Variants in VWA5A observed in about 807,000 individuals in gnomAD.
VWA5A encodes the protein von Willebrand factor A domain-containing protein 5A.
In VWA5A, 77 loss-of-function variants were observed where a neutral mutation model predicts 84.6. That is an observed-to-expected ratio of 0.91 (90% CI 0.76 to 1.10). VWA5A has a LOEUF of 1.10. Ranked by LOEUF, VWA5A falls within the 50% of genes least tolerant of loss-of-function variation. The probability of loss-of-function intolerance (pLI) is 0.00; values close to 1 mark genes in which losing one functional copy is unlikely to be tolerated. For missense variants in VWA5A, 973 were observed against 963.0 expected (o/e 1.01, Z -0.14); for synonymous variants, 334 against 350.1 (o/e 0.95, Z 0.51).
rs1860627385 is a variant in VWA5A, at chr11:124,137,268, G to A, written c.1879G>A (p.Gly627Ser). The change falls in exon 15 of 19, where the codon GGT (glycine) becomes AGT (serine). Residue 627 changes from glycine (G) to serine (S), a missense_variant and splice_region_variant. Gly to Ser is a moderately conservative substitution (Grantham distance 56, BLOSUM62 0). Coordinates refer to ENST00000456829, the MANE Select transcript of VWA5A (RefSeq NM_001130142.2). ...SAPLKIKCQSGFRKALHSDRP... is the reference protein window; with the variant it reads ...SAPLKIKCQSSFRKALHSDRP... ...CCCATTGAAGATAAAATGCCAATCA[G>A]GTAATGAGTTTTATTCCATTCAAAC... 6.2e-7 allele frequency: 1 copy of A among 1,613,638 alleles called. No homozygotes were observed. The highest frequency in any genetic ancestry group is 8.5e-7 in the Non-Finnish European group (1 of 1,179,828).
At position 124,141,769 on chromosome 11, in the gene VWA5A, C is replaced by A. The variant is rs1860732339; in HGVS notation, c.2023+28C>A. On this transcript the variant is annotated intron_variant, in intron 16 of 18. Coordinates refer to ENST00000456829, the MANE Select transcript of VWA5A (RefSeq NM_001130142.2). ...GAGTACCTTTATAGGAACATTTTCT[C>A]AACAATGTTTTTCTGTCACATATAC... The A allele has an allele frequency of 2.5e-6, 4 of 1,608,892 alleles. No individual in the cohort carries two copies. The Admixed American group carries it at 6.7e-5, about 27-fold the overall frequency.
At chr11:124,123,892 A>G (rs1565616229) in intron 10 of VWA5A, 88 bp downstream of exon 10, 1 of 1,469,172 alleles carries the variant, frequency 6.8e-7, no homozygotes. Flanking sequence ...AGTATGTTGA[A>G]ATATAGTTTG....
chr11:124,127,717 G>A (rs1360608746), intron 11 of VWA5A, among the ~76,000 whole-genome samples: 7 of 152,114 alleles, frequency 4.6e-5, no homozygotes, highest in South Asian at 2.1e-4. Context: ...TTTAACTGGC[G>A]TGAGATGGTA....
rs372147587 is a variant in VWA5A, at chr11:124,116,563, C to T, written c.-130-3C>T. 4 of 152,362 alleles carry T rather than the reference C, an allele frequency of 2.6e-5. No homozygotes were observed. The highest frequency in any genetic ancestry group is 1.5e-5 in the Non-Finnish European group (1 of 68,186). The allele number at this position is 152,362 out of a possible 1,614,324, so 9.4% of individuals were successfully genotyped here. On this transcript the variant is annotated splice_polypyrimidine_tract_variant and splice_region_variant and intron_variant, in intron 1 of 18. Transcript: ENST00000456829. ...TGTTATTAGAAATTCTTCCCTCCCC[C>T]AGCCCAGCCTGTTCTACCAGAGAAC...
chr11:124,117,962 A>T, intron 4 of VWA5A, 87 bp downstream of exon 4: 1 of 1,480,402 alleles, frequency 6.8e-7, no homozygotes. Context: ...TCTCTACTAA[A>T]TGTACCTTCA....
intron 11 of VWA5A, among the ~76,000 whole-genome samples, chr11:124,132,623 T>C (rs931294078): frequency 6.6e-6 from 1 of 152,150 alleles, no homozygotes; most frequent in African/African-American, 2.4e-5. Flanking sequence ...TGTTGGTTAT[T>C]TGTGCCTTTT....
chr11:124,143,320 G>A (rs944368016), intron 17 of VWA5A, among the ~76,000 whole-genome samples: 1 of 152,206 alleles, frequency 6.6e-6, no homozygotes, highest in Non-Finnish European at 1.5e-5. Flanking sequence ...TGAGACAGGT[G>A]CAAAAAGCCT....
intron 11 of VWA5A, 75 bp from the exon 12 acceptor site, chr11:124,134,845 T>C (rs1865149210): frequency 9.5e-7 from 1 of 1,054,362 alleles, no homozygotes; most frequent in Non-Finnish European, 1.4e-6. Context: ...TTATGTATTT[T>C]TGGCCATTAT....
At chr11:124,142,797 G>A (rs1860755881) in intron 17 of VWA5A, among the ~76,000 whole-genome samples, 1 of 152,102 alleles carries the variant, frequency 6.6e-6, no homozygotes, top group Admixed American at 6.5e-5. Context: ...TTTTGCTGGT[G>A]GATGACAAAG....
chr11:124,140,764 T>C (rs2137663960), intron 15 of VWA5A, among the ~76,000 whole-genome samples: 1 of 152,242 alleles, frequency 6.6e-6, no homozygotes, highest in East Asian at 1.9e-4. Flanking sequence ...TTTTTAAAAC[T>C]TTTTATAAAG....
chr11:124,131,622 A>G (rs1249610926), intron 11 of VWA5A, among the ~76,000 whole-genome samples: 1 of 152,012 alleles, frequency 6.6e-6, no homozygotes, highest in East Asian at 1.9e-4. Context: ...ATTTCCATAT[A>G]GAAATGAATT....
At position 124,120,457 on chromosome 11, in the gene VWA5A, T is replaced by G. The variant is rs141576614; in HGVS notation, c.760+1368T>G. ...GCTTAGGCTCTTGTTTTTACAATTA[T>G]AGCTGTTGTCAAGAAAATTCCCTGT... On this transcript the variant is annotated intron_variant, in intron 7 of 18. Coordinates refer to ENST00000456829, the MANE Select transcript of VWA5A (RefSeq NM_001130142.2). Among the ~76,000 whole-genome samples the G allele has an allele frequency of 8.5e-5, 13 of 152,344 alleles. No individual in the cohort carries two copies. In the East Asian group the frequency reaches 2.3e-3, roughly 27 times the overall value.
chr11:124,140,076 C>T lies in VWA5A; in HGVS notation c.1880-1522C>T, dbSNP rs74592462. 8.7e-4 allele frequency among the ~76,000 whole-genome samples: 132 copies of T among 152,106 alleles called. 1 individual carries two copies. The East Asian group carries it at 0.021, about 24-fold the overall frequency. On this transcript the variant is annotated intron_variant, in intron 15 of 18. Coordinates refer to ENST00000456829, the MANE Select transcript of VWA5A (RefSeq NM_001130142.2). The stretch of plus-strand genomic sequence containing the variant: ...ATGTTTTTGTCCTTTTTTATGTTAG[C>T]GTGATCCATGTTTATCAATTTATGT...
chr11:124,124,622 C>T, intron 11 of VWA5A: 1 of 1,025,546 alleles, frequency 9.8e-7, no homozygotes, highest in Non-Finnish European at 1.2e-6. Flanking sequence ...CTGAAAACTA[C>T]ACAAATTATA....
At chr11:124,131,037 A>G (rs891215689) in intron 11 of VWA5A, among the ~76,000 whole-genome samples, 17 of 152,020 alleles carry the variant, frequency 1.1e-4, no homozygotes, top group Admixed American at 2.6e-4. Context: ...CAGCAAAATC[A>G]GTAAACATAC....
chr11:124,145,153 A>G (rs1385310417), intron 17 of VWA5A, 84 bp from the exon 18 acceptor site: 1 of 1,498,546 alleles, frequency 6.7e-7, no homozygotes, highest in East Asian at 2.3e-5. Context: ...ATTTAGAAGG[A>G]TGCTAAGTGA....
Position 124,145,255 on chromosome 11 carries a change from T to C in VWA5A, c.2173T>C (p.Trp725Arg). ...TGTGCAGCTTGTGGATTCCTCAGGC[T>C]GGGCCACCATCCTGGCCGTGATCTG... Reference protein sequence around the residue: ...QPAELVDSSGWATILAVIWLH... With the variant: ...QPAELVDSSGRATILAVIWLH... The change falls in exon 18 of 19, where the codon TGG becomes CGG. Residue 725 changes from tryptophan (W) to arginine (R), a missense_variant. Physicochemically the swap from Trp to Arg is moderately radical, Grantham distance 101. Transcript: ENST00000456829. The C allele has an allele frequency of 6.2e-7, 1 of 1,613,628 alleles. No individual in the cohort carries two copies. Among genetic ancestry groups the C allele is most frequent in the Non-Finnish European group, 8.5e-7 (1 of 1,179,722 alleles).
At chr11:124,140,110 C>T (rs1030206297) in intron 15 of VWA5A, among the ~76,000 whole-genome samples, 1 of 152,098 alleles carries the variant, frequency 6.6e-6, no homozygotes, top group African/African-American at 2.4e-5. Context: ...GTTTATTGAA[C>T]CAACTTTTCA....
intron 18 of VWA5A, 55 bp downstream of exon 18, chr11:124,145,418 G>T: frequency 1.3e-6 from 2 of 1,549,244 alleles, no homozygotes; most frequent in South Asian, 2.6e-5. Flanking sequence ...CTGGCGGAAG[G>T]TGACCACAAG....
Sources: allele counts gnomAD v4.1 joint callset (sites outside exome capture counted in the v4.1 genomes callset), GRCh38; gene constraint gnomAD v4.1.1; transcripts MANE v1.5; gene names NCBI Gene and HGNC (gene_info 2026-07-23, HGNC 2026-07-21).